Variants in ROBO2 observed in about 807,000 individuals in gnomAD.
ROBO2 encodes roundabout guidance receptor 2.
In ROBO2, 53 loss-of-function variants were observed where a neutral mutation model predicts 160.8. The ratio of observed to expected loss-of-function variants is 0.33; its 90% CI spans 0.26 to 0.41. The LOEUF (loss-of-function observed/expected upper bound fraction) is 0.41, where lower values mean the gene tolerates loss of function less well. Ranked by LOEUF, ROBO2 falls within the 10% of genes least tolerant of loss-of-function variation. ROBO2 has a pLI of 1.00. For missense variants in ROBO2, 1,577 were observed against 1,722.4 expected (o/e 0.92, Z 1.49); for synonymous variants, 664 against 611.7 (o/e 1.09, Z -1.26).
intron 2 of ROBO2, among the ~76,000 whole-genome samples, chr3:76,053,287 CT>C (rs1469224426): frequency 6.6e-6 from 1 of 152,030 alleles, no homozygotes; most frequent in Non-Finnish European, 1.5e-5. Flanking sequence ...CGCAAAGTTA[CT>C]GAGACATAGA....
At chr3:77,349,037 C>T (rs546824174) in intron 2 of ROBO2, among the ~76,000 whole-genome samples, 1 of 152,262 alleles carries the variant, frequency 6.6e-6, no homozygotes, top group East Asian at 1.9e-4. Flanking sequence ...TGCCTTGCTT[C>T]TTCTTCTCAC....
chr3:76,156,113 CT>C (rs1291492008), intron 2 of ROBO2, among the ~76,000 whole-genome samples: 1 of 152,008 alleles, frequency 6.6e-6, no homozygotes, highest in Non-Finnish European at 1.5e-5. Flanking sequence ...TGATTTCCCC[CT>C]AGTAGTTTAA....
At chr3:76,445,294 G>T (rs1263676072) in intron 2 of ROBO2, among the ~76,000 whole-genome samples, 2 of 152,182 alleles carry the variant, frequency 1.3e-5, no homozygotes, top group Non-Finnish European at 2.9e-5. Flanking sequence ...TTAATGGAAA[G>T]TGTGTATTTT....
intron 2 of ROBO2, 60 bp from the exon 3 acceptor site, chr3:77,477,354 C>T: frequency 6.4e-7 from 1 of 1,562,616 alleles, no homozygotes; most frequent in Non-Finnish European, 8.8e-7. Flanking sequence ...TTACCTTGTA[C>T]AACAAAAAGC....
intron 2 of ROBO2, among the ~76,000 whole-genome samples, chr3:76,475,461 CA>C (rs2078884493): frequency 6.6e-6 from 1 of 151,934 alleles, no homozygotes; most frequent in East Asian, 1.9e-4. Flanking sequence ...AATATTTTGA[CA>C]GAAAAACTTA....
chr3:77,479,745 T>G (rs764620940), intron 3 of ROBO2, among the ~76,000 whole-genome samples: 3 of 152,154 alleles, frequency 2.0e-5, no homozygotes, highest in Non-Finnish European at 4.4e-5. Flanking sequence ...TCTTGCCTAT[T>G]TAAAGGTGTG....
intron 2 of ROBO2, among the ~76,000 whole-genome samples, chr3:76,112,072 C>T (rs2070256758): frequency 6.6e-6 from 1 of 152,128 alleles, no homozygotes; most frequent in Non-Finnish European, 1.5e-5. Context: ...CCAGTGGCCT[C>T]CCCTTCTATC....
chr3:77,438,351 G>A (rs190768327), intron 2 of ROBO2, among the ~76,000 whole-genome samples: 151 of 151,896 alleles, frequency 9.9e-4, no homozygotes, highest in African/African-American at 3.5e-3. Context: ...CACTTAGACT[G>A]ATTTCTGAGC....
chr3:76,530,766 G>C (rs1577932587), intron 2 of ROBO2, among the ~76,000 whole-genome samples: 1 of 152,074 alleles, frequency 6.6e-6, no homozygotes, highest in Non-Finnish European at 1.5e-5. Context: ...TAATTTGGGG[G>C]AATAAAATAC....
chr3:77,308,655 C>A (rs545445369), intron 2 of ROBO2, among the ~76,000 whole-genome samples: 4 of 152,052 alleles, frequency 2.6e-5, no homozygotes, highest in African/African-American at 7.2e-5. Context: ...TAAAGATAAT[C>A]GCCACTTATC....
intron 2 of ROBO2, among the ~76,000 whole-genome samples, chr3:76,297,257 C>T (rs1709120928): frequency 6.6e-6 from 1 of 152,086 alleles, no homozygotes; most frequent in Non-Finnish European, 1.5e-5. Flanking sequence ...AGTCACTTTG[C>T]CTCTCTGAAA....
intron 2 of ROBO2, among the ~76,000 whole-genome samples, chr3:76,427,239 G>A (rs1350601196): frequency 1.3e-5 from 2 of 150,282 alleles, no homozygotes; most frequent in African/African-American, 4.9e-5. Flanking sequence ...GCATTCTGGT[G>A]AACAGTTTTG....
chr3:76,883,441 C>A (rs957952786), intron 2 of ROBO2, among the ~76,000 whole-genome samples: 1 of 152,094 alleles, frequency 6.6e-6, no homozygotes, highest in African/African-American at 2.4e-5. Context: ...GCTATAAAAA[C>A]AATCTACTGA....
chr3:76,442,761 C>G (rs1297750079), intron 2 of ROBO2, among the ~76,000 whole-genome samples: 1 of 152,140 alleles, frequency 6.6e-6, no homozygotes, highest in Non-Finnish European at 1.5e-5. Flanking sequence ...ATGTACTACC[C>G]ACTCATTCTT....
intron 2 of ROBO2, among the ~76,000 whole-genome samples, chr3:77,275,137 T>C (rs190069528): frequency 2.9e-4 from 43 of 145,980 alleles, no homozygotes; most frequent in Admixed American, 1.4e-3. Flanking sequence ...TAATTTAATA[T>C]ATCAATGAAG....
rs75715765 is a variant in ROBO2 at position 76,867,673 on chromosome 3, A to G, written c.110-230341A>G. On this transcript the variant is annotated intron_variant, in intron 2 of 26. Coordinates refer to the ROBO2 transcript ENST00000487694. The stretch of plus-strand genomic sequence containing the variant: ...TTCATTCTTGCACTTAAACTGTTAC[A>G]AATTAGAAAGATTTTCTAAAAATAA... 8.2e-3 allele frequency among the ~76,000 whole-genome samples: 1,249 copies of G among 152,328 alleles called. 22 individuals are homozygous for G. Among genetic ancestry groups the G allele is most frequent in the African/African-American group, 0.028 (1,156 of 41,576 alleles).
chr3:77,145,907 G>A (rs1168035193), intron 2 of ROBO2, among the ~76,000 whole-genome samples: 3 of 152,108 alleles, frequency 2.0e-5, no homozygotes, highest in Non-Finnish European at 4.4e-5. Flanking sequence ...GAGACGCCTG[G>A]TATCTTGAGT....
intron 2 of ROBO2, among the ~76,000 whole-genome samples, chr3:76,798,292 G>GAAA (rs879585823): frequency 8.7e-5 from 13 of 148,676 alleles, no homozygotes; most frequent in African/African-American, 3.0e-4. Context: ...AAGAAAGAAA[G>GAAA]AAAGAAAGAA....
chr3:77,068,815 T>C (rs533196483), intron 1 of ROBO2, among the ~76,000 whole-genome samples: 2 of 152,204 alleles, frequency 1.3e-5, no homozygotes, highest in East Asian at 3.9e-4. Context: ...TAGAACATAT[T>C]ATCTAAAATA....
Sources: allele counts gnomAD v4.1 joint callset (sites outside exome capture counted in the v4.1 genomes callset), GRCh38; gene constraint gnomAD v4.1.1; transcripts MANE v1.5; gene names NCBI Gene and HGNC (gene_info 2026-07-23, HGNC 2026-07-21).